Variants in GOLGA4 observed in about 807,000 individuals in gnomAD.
GOLGA4 encodes golgin A4, also known as golgin subfamily A member 4.
A neutral mutation model predicts 265.9 loss-of-function variants in GOLGA4; 169 were observed. The ratio of observed to expected loss-of-function variants is 0.64; its 90% CI spans 0.56 to 0.72. The LOEUF (loss-of-function observed/expected upper bound fraction) is 0.72, where lower values mean the gene tolerates loss of function less well. GOLGA4 is among the 30% of genes least tolerant of loss of function. The probability of loss-of-function intolerance (pLI) is 0.00; values close to 1 mark genes in which losing one functional copy is unlikely to be tolerated. For synonymous variants in GOLGA4, 923 were observed against 855.8 expected, an observed-to-expected ratio of 1.08 and a Z score of -1.37; for missense variants, 2,482 against 2,483.4, an observed-to-expected ratio of 1.00 and a Z score of 0.01.
At chr3:37,278,242 C>T (rs955444138) in intron 2 of GOLGA4, among the ~76,000 whole-genome samples, 2 of 150,928 alleles carry the variant, frequency 1.3e-5, no homozygotes, top group African/African-American at 4.9e-5. Flanking sequence ...TCTTTTTGCC[C>T]AGGCTGGAGC....
chr3:37,306,886 G>A (rs1215021288), intron 10 of GOLGA4, among the ~76,000 whole-genome samples: 1 of 151,878 alleles, frequency 6.6e-6, no homozygotes, highest in Non-Finnish European at 1.5e-5. Flanking sequence ...TTGAGATATA[G>A]CTTATTAGAT....
chr3:37,356,533 T>C (rs930004174), intron 22 of GOLGA4, among the ~76,000 whole-genome samples: 3 of 152,192 alleles, frequency 2.0e-5, no homozygotes, highest in African/African-American at 7.2e-5. Flanking sequence ...GCTTTAGTTA[T>C]TTCTGCTTAT....
At chr3:37,267,281 C>T (rs2096786348) in intron 2 of GOLGA4, among the ~76,000 whole-genome samples, 1 of 152,134 alleles carries the variant, frequency 6.6e-6, no homozygotes, top group East Asian at 1.9e-4. Context: ...AATCTCTGTT[C>T]TACTATTGAT....
rs541968491 is a variant in GOLGA4, at chr3:37,257,965, A to G, written c.162+6481A>G. On this transcript the variant is annotated intron_variant, in intron 2 of 23. Coordinates refer to ENST00000361924, the MANE Select transcript of GOLGA4 (RefSeq NM_002078.5). The stretch of plus-strand genomic sequence containing the variant: ...CATATATATGTATGTATATATGTAT[A>G]TATACATACATATATATATGTATGT... 1.5e-4 allele frequency among the ~76,000 whole-genome samples: 16 copies of G among 104,424 alleles called. 2 individuals carry two copies. The East Asian group carries it at 1.7e-3, about 11-fold the overall frequency. The allele number at this position is 104,424 out of a possible 152,430, so 68.5% of individuals were successfully genotyped here.
intron 2 of GOLGA4, chr3:37,276,001 A>C (rs993546460): frequency 7.4e-6 from 12 of 1,613,352 alleles, no homozygotes; most frequent in Non-Finnish European, 1.0e-5. Flanking sequence ...GCCCTGAGGC[A>C]AGAGAAGAAA....
In GOLGA4 at chr3:37,299,016, T is replaced by A; in HGVS notation, c.998T>A (p.Ile333Lys). The change falls in exon 8 of 24, where the codon ATA becomes AAA. Residue 333 changes from isoleucine to lysine, a missense_variant. Ile to Lys is a moderately radical substitution (Grantham distance 102, BLOSUM62 -3). Around this residue, in one of 3 missense-constraint regions of GOLGA4, gnomAD observed 1,536 missense variants for 1,483.7 expected, o/e 1.04. Transcript: ENST00000361924. ...GAAAGACTTCAAGAACTAGAAAAGA[T>A]AAAGGTAAAAGAGCAGATGAGTTTT... ...LDERLQELEK[I>K]KDLHMAEKTK... 6.3e-7 allele frequency: 1 copy of A among 1,588,934 alleles called. No homozygotes were observed. The highest frequency in any genetic ancestry group is 8.5e-7 in the Non-Finnish European group (1 of 1,172,168).
At chr3:37,300,213 G>A (rs536795546) in intron 9 of GOLGA4, among the ~76,000 whole-genome samples, 1 of 152,344 alleles carries the variant, frequency 6.6e-6, no homozygotes, top group African/African-American at 2.4e-5. Flanking sequence ...AAGCTACGCA[G>A]CAAAGACAAC....
chr3:37,276,597 G>A (rs1178821877), intron 2 of GOLGA4: 3 of 1,579,230 alleles, frequency 1.9e-6, no homozygotes, highest in African/African-American at 2.7e-5. Flanking sequence ...AAGTTCTGTT[G>A]AGTTGGAAGA....
At chr3:37,258,131 C>T (rs1452401730) in intron 2 of GOLGA4, among the ~76,000 whole-genome samples, 3 of 132,390 alleles carry the variant, frequency 2.3e-5, no homozygotes, top group Non-Finnish European at 3.2e-5. Context: ...TATATATATG[C>T]TCTGTATATA....
At chr3:37,273,605 T>A (rs2096804932) in intron 2 of GOLGA4, 1 of 1,400,206 alleles carries the variant, frequency 7.1e-7, no homozygotes, top group East Asian at 2.5e-5. Flanking sequence ...TCCTCAGGTC[T>A]GTTACTAATT....
Position 37,324,747 on chromosome 3 carries a change from A to T in GOLGA4, c.2861A>T (p.Lys954Ile), listed in dbSNP as rs777771839. ...GAAACCAAATTTAAAAACCAAGAAAAAAAGATGGAAAAAGTTAAGCAGAAA... is the reference window on the plus strand; with the variant it reads ...GAAACCAAATTTAAAAACCAAGAAATAAAGATGGAAAAAGTTAAGCAGAAA... ...EYETKFKNQEKKMEKVKQKAK... is the reference protein window; with the variant it reads ...EYETKFKNQEIKMEKVKQKAK... Residue 954 changes from lysine (K) to isoleucine (I), a missense_variant, in exon 14 of 24, where the codon AAA (lysine) becomes ATA (isoleucine). Physicochemically the swap from Lys to Ile is moderately radical, Grantham distance 102. Coordinates refer to ENST00000361924, the MANE Select transcript of GOLGA4 (RefSeq NM_002078.5). 3.2e-6 allele frequency: 5 copies of T among 1,585,386 alleles called. No individual in the cohort carries two copies. Among genetic ancestry groups the T allele is most frequent in the Non-Finnish European group, 4.3e-6 (5 of 1,172,482 alleles).
At chr3:37,349,003 A>C (rs2151046966) in intron 21 of GOLGA4, among the ~76,000 whole-genome samples, 1 of 152,262 alleles carries the variant, frequency 6.6e-6, no homozygotes, top group East Asian at 1.9e-4. Context: ...GCCCCATCTA[A>C]TAAGCTGGCT....
intron 10 of GOLGA4, among the ~76,000 whole-genome samples, chr3:37,313,057 GC>G: frequency 6.6e-6 from 1 of 152,142 alleles, no homozygotes; most frequent in South Asian, 2.1e-4. Context: ...ACAGAAATTA[GC>G]CCGGTCTGGT....
Position 37,324,420 on chromosome 3 carries a change from T to C in GOLGA4, c.2534T>C (p.Val845Ala). 1 of 1,614,142 alleles carries C rather than the reference T, an allele frequency of 6.2e-7. No individual in the cohort carries two copies. Among genetic ancestry groups the C allele is most frequent in the Non-Finnish European group, 8.5e-7 (1 of 1,180,014 alleles). Residue 845 changes from valine (V) to alanine (A), a missense_variant, in exon 14 of 24, where the codon GTT (valine) becomes GCT (alanine). Physicochemically the swap from Val to Ala is moderately conservative, Grantham distance 64. Coordinates refer to ENST00000361924, the MANE Select transcript of GOLGA4 (RefSeq NM_002078.5). ...CTTCTTACCAAACAGGTTGCTGAAG[T>C]TGAAGCACAAAAGAAAGATGTTTGT... ...RILLTKQVAE[V>A]EAQKKDVCTE...
At chr3:37,295,876 TTA>T (rs1244869542) in intron 6 of GOLGA4, among the ~76,000 whole-genome samples, 1 of 152,216 alleles carries the variant, frequency 6.6e-6, no homozygotes, top group Non-Finnish European at 1.5e-5. Flanking sequence ...TTTAGGTAGT[TTA>T]TGTAATCTAG....
At chr3:37,253,508 G>C (rs752948290) in intron 2 of GOLGA4, among the ~76,000 whole-genome samples, 85 of 152,074 alleles carry the variant, frequency 5.6e-4, no homozygotes, top group Non-Finnish European at 1.1e-3. Context: ...AAAGCAAGGA[G>C]ATGAAGTGAT....
intron 21 of GOLGA4, 84 bp downstream of exon 21, chr3:37,347,380 A>G: frequency 1.4e-6 from 1 of 727,688 alleles, no homozygotes; most frequent in Non-Finnish European, 2.4e-6. Context: ...TGAATGCCAT[A>G]TGTTTACTAT....
Position 37,326,998 on chromosome 3 carries a change from A to G in GOLGA4, c.5112A>G (p.Glu1704=). 4 of 1,613,920 alleles carry G rather than the reference A, an allele frequency of 2.5e-6. No homozygotes were observed. Among genetic ancestry groups the G allele is most frequent in the Non-Finnish European group, 3.4e-6 (4 of 1,179,826 alleles). The part of the protein sequence containing the change: ...KLKSVESSQS[E]TLIVPRSAKN... ...AGTCAGTGGAAAGTTCACAGTCAGA[A>G]ACATTAATTGTACCCAGATCAGCAA... The change falls in exon 14 of 24, where the codon GAA becomes GAG. Residue 1704 remains glutamate (E), a synonymous_variant. Transcript: ENST00000361924.
At chr3:37,248,178 G>A (rs9838983) in intron 1 of GOLGA4, among the ~76,000 whole-genome samples, 2,291 of 152,266 alleles carry the variant, frequency 0.015, 54 homozygotes, top group African/African-American at 0.052. Flanking sequence ...GTCTTACTGT[G>A]TTACTCAGGC....
Sources: allele counts gnomAD v4.1 joint callset (sites outside exome capture counted in the v4.1 genomes callset), GRCh38; gene constraint gnomAD v4.1.1; regional missense constraint gnomAD v4.1.1; transcripts MANE v1.5; gene names NCBI Gene and HGNC (gene_info 2026-07-23, HGNC 2026-07-21).